The following C8orf34 variants were observed in gnomAD, a reference collection of about 807,000 sequenced individuals.
C8orf34 encodes uncharacterized protein C8orf34.
A neutral mutation model predicts 68.3 loss-of-function variants in C8orf34; 65 were observed. The ratio of observed to expected loss-of-function variants is 0.95; its 90% CI spans 0.78 to 1.17. The LOEUF (loss-of-function observed/expected upper bound fraction) is 1.17. Ranked by LOEUF, C8orf34 falls within the 50% of genes most tolerant of loss-of-function variation. The pLI, the probability that C8orf34 is intolerant of heterozygous loss-of-function variation, is 0.00. For synonymous variants in C8orf34, 244 were observed against 241.2 expected (o/e 1.01, Z -0.11); for missense variants, 664 against 655.4 (o/e 1.01, Z -0.14).
intron 5 of C8orf34, among the ~76,000 whole-genome samples, chr8:68,509,715 G>C (rs1329368916): frequency 6.6e-6 from 1 of 152,162 alleles, no homozygotes; most frequent in Non-Finnish European, 1.5e-5. Flanking sequence ...AGGGGAGCAG[G>C]CATCCCTGGT....
chr8:68,531,607 G>A (rs1435599677), intron 6 of C8orf34, among the ~76,000 whole-genome samples: 2 of 152,098 alleles, frequency 1.3e-5, no homozygotes. Flanking sequence ...TGCTAAGTTT[G>A]ATCACTTGGT....
At chr8:68,770,371 ATAT>A (rs1823305103) in intron 10 of C8orf34, among the ~76,000 whole-genome samples, 1 of 152,222 alleles carries the variant, frequency 6.6e-6, no homozygotes, top group Non-Finnish European at 1.5e-5. Context: ...TAGTGAAATA[ATAT>A]TATTTATTGA....
At chr8:68,788,151 A>C (rs542659385) in intron 12 of C8orf34, among the ~76,000 whole-genome samples, 1 of 152,192 alleles carries the variant, frequency 6.6e-6, no homozygotes, top group Non-Finnish European at 1.5e-5. Flanking sequence ...GTTAGTATCA[A>C]ATTTTATTTA....
At chr8:68,532,668 A>G (rs1815297911) in intron 6 of C8orf34, among the ~76,000 whole-genome samples, 1 of 152,172 alleles carries the variant, frequency 6.6e-6, no homozygotes, top group Non-Finnish European at 1.5e-5. Context: ...AGGGACTAAT[A>G]ATCTGGACCT....
chr8:68,474,888 G>T (rs796198713), intron 4 of C8orf34, among the ~76,000 whole-genome samples: 1 of 152,156 alleles, frequency 6.6e-6, no homozygotes, highest in Non-Finnish European at 1.5e-5. Flanking sequence ...GGAGAAGCAA[G>T]GAACACACAC....
intron 1 of C8orf34, among the ~76,000 whole-genome samples, chr8:68,382,518 T>G (rs1232361358): frequency 1.3e-5 from 2 of 152,230 alleles, no homozygotes; most frequent in African/African-American, 4.8e-5. Context: ...CTGCTCTCAT[T>G]GCAGAATACT....
At chr8:68,641,661 G>A (rs1819015088) in intron 8 of C8orf34, among the ~76,000 whole-genome samples, 1 of 152,126 alleles carries the variant, frequency 6.6e-6, no homozygotes, top group African/African-American at 2.4e-5. Context: ...GACTGGAGAG[G>A]GGTCGATGCT....
At chr8:68,576,905 C>T (rs1816921504) in intron 7 of C8orf34, among the ~76,000 whole-genome samples, 1 of 151,932 alleles carries the variant, frequency 6.6e-6, no homozygotes, top group African/African-American at 2.4e-5. Context: ...AATTTGCTAA[C>T]ATATTTCTCT....
chr8:68,451,129 C>A (rs115488380), intron 3 of C8orf34, among the ~76,000 whole-genome samples: 207 of 152,118 alleles, frequency 1.4e-3, no homozygotes, highest in African/African-American at 4.9e-3. Context: ...CCACATGAAC[C>A]AACATCTGCT....
chr8:68,431,407 G>A (rs1810447204), intron 1 of C8orf34, among the ~76,000 whole-genome samples: 1 of 152,184 alleles, frequency 6.6e-6, no homozygotes, highest in Non-Finnish European at 1.5e-5. Context: ...ATGTATTTGA[G>A]TTTTTTGAAC....
chr8:68,730,593 G>A (rs182524346), intron 10 of C8orf34, among the ~76,000 whole-genome samples: 68 of 152,114 alleles, frequency 4.5e-4, no homozygotes, highest in African/African-American at 1.6e-3. Context: ...CATTTGCATA[G>A]GGAAAAAATG....
chr8:68,571,953 A>T (rs1816770877), intron 7 of C8orf34, among the ~76,000 whole-genome samples: 2 of 152,158 alleles, frequency 1.3e-5, no homozygotes, highest in African/African-American at 4.8e-5. Flanking sequence ...CAAATATCAT[A>T]GAGTGTACTT....
chr8:68,768,341 TG>T (rs1479129374), intron 10 of C8orf34, among the ~76,000 whole-genome samples: 2 of 152,196 alleles, frequency 1.3e-5, no homozygotes, highest in African/African-American at 4.8e-5. Context: ...TTAAAAGTCT[TG>T]GCTTATTTTA....
chr8:68,407,103 A>T (rs1353375981), intron 1 of C8orf34, among the ~76,000 whole-genome samples: 3 of 152,198 alleles, frequency 2.0e-5, no homozygotes, highest in Non-Finnish European at 4.4e-5. Flanking sequence ...ATAACATTTT[A>T]TTAAAGTATT....
chr8:68,738,146 T>C (rs1193362794), intron 10 of C8orf34, among the ~76,000 whole-genome samples: 1 of 152,020 alleles, frequency 6.6e-6, no homozygotes, highest in Non-Finnish European at 1.5e-5. Flanking sequence ...ACTAAGAAAT[T>C]CAATCAAAAC....
chr8:68,585,923 A>G (rs1488163952), intron 7 of C8orf34, among the ~76,000 whole-genome samples: 2 of 152,132 alleles, frequency 1.3e-5, no homozygotes, highest in Non-Finnish European at 2.9e-5. Flanking sequence ...CACTTCTGCC[A>G]TATTCTATCA....
chr8:68,809,972 T>C (rs920728750), intron 12 of C8orf34, among the ~76,000 whole-genome samples: 1 of 152,220 alleles, frequency 6.6e-6, no homozygotes, highest in Non-Finnish European at 1.5e-5. Context: ...TAGCATATAT[T>C]TTAATGGAGA....
chr8:68,534,435 T>C, intron 7 of C8orf34: 2 of 756,830 alleles, frequency 2.6e-6, no homozygotes, highest in Non-Finnish European at 3.2e-6. Context: ...TTGTGATCTG[T>C]GTTTGAAGGA....
intron 8 of C8orf34, among the ~76,000 whole-genome samples, chr8:68,675,956 A>G (rs368557374): frequency 5.4e-4 from 82 of 152,316 alleles, no homozygotes; most frequent in African/African-American, 1.7e-3. Flanking sequence ...GACAAAATCG[A>G]TCTCAGGACA....
Sources: gnomAD v4.1 joint callset for allele counts (sites outside exome capture counted in the v4.1 genomes callset) on GRCh38, gnomAD v4.1.1 for gene constraint, MANE v1.5 for transcripts, NCBI Gene and HGNC (gene_info 2026-07-23, HGNC 2026-07-21) for gene names.